Variants in DRC8 observed in about 807,000 individuals in gnomAD.
DRC8 encodes dynein regulatory complex subunit 8, also known as dynein regulatory complex protein 8.
the DRC8 span, among the ~76,000 whole-genome samples, chr1:244,996,282 G>A: frequency 6.6e-6 from 1 of 151,944 alleles, no homozygotes; most frequent in African/African-American, 2.4e-5. Context: ...CGTGATAAGA[G>A]GGGTGTGGGG....
At chr1:245,046,568 T>TA in the DRC8 span, among the ~76,000 whole-genome samples, 2 of 152,164 alleles carry the variant, frequency 1.3e-5, no homozygotes, top group East Asian at 1.9e-4. Flanking sequence ...GCACCAGAAA[T>TA]ACGATGCGAG....
At chr1:245,064,677 C>T in the DRC8 span, among the ~76,000 whole-genome samples, 5 of 152,196 alleles carry the variant, frequency 3.3e-5, no homozygotes, top group African/African-American at 1.2e-4. Flanking sequence ...TAGAATTCTA[C>T]ATTCAATGGA....
the DRC8 span, among the ~76,000 whole-genome samples, chr1:245,033,044 A>G: frequency 4.6e-5 from 7 of 152,106 alleles, no homozygotes; most frequent in Admixed American, 1.3e-4. Flanking sequence ...TGGTAGATCC[A>G]TTGGCGTGCG....
chr1:245,060,992 CAGCTTGGAAAGCTTA>C, the DRC8 span, among the ~76,000 whole-genome samples: 1 of 152,156 alleles, frequency 6.6e-6, no homozygotes, highest in South Asian at 2.1e-4. Flanking sequence ...CAGAGACCTA[CAGCTTGGAAAGCTTA>C]AGATATTTAC....
At chr1:245,011,794 A>G in the DRC8 span, among the ~76,000 whole-genome samples, 2 of 152,378 alleles carry the variant, frequency 1.3e-5, no homozygotes, top group South Asian at 4.1e-4. Flanking sequence ...TCATGATTGT[A>G]GAACATTCCA....
At chr1:244,980,040 T>TGAAAAAAA in the DRC8 span, among the ~76,000 whole-genome samples, 1 of 34,758 alleles carries the variant, frequency 2.9e-5, no homozygotes, top group African/African-American at 1.4e-4. Context: ...CCGTCTCTAC[T>TGAAAAAAA]AAAAAAAAAA....
chr1:245,009,961 A>AGT, the DRC8 span, among the ~76,000 whole-genome samples: 1 of 151,828 alleles, frequency 6.6e-6, no homozygotes, highest in Non-Finnish European at 1.5e-5. Flanking sequence ...CCCAGGTTCA[A>AGT]GTGATTCTCC....
At chr1:245,091,330 GGCGTGT>G in the DRC8 span, 4 of 152,412 alleles carry the variant, frequency 2.6e-5, no homozygotes, top group Non-Finnish European at 5.9e-5. Flanking sequence ...GCAGCACTGA[GGCGTGT>G]GCTAGCGCCC....
At chr1:245,028,430 C>G in the DRC8 span, among the ~76,000 whole-genome samples, 1 of 152,110 alleles carries the variant, frequency 6.6e-6, no homozygotes, top group East Asian at 1.9e-4. Context: ...TCCTGCACTG[C>G]CAAAAAATAA....
At chr1:245,016,491 C>G in the DRC8 span, among the ~76,000 whole-genome samples, 1 of 152,198 alleles carries the variant, frequency 6.6e-6, no homozygotes, top group South Asian at 2.1e-4. Flanking sequence ...CACCCACGCC[C>G]AGCACTCCTC....
the DRC8 span, among the ~76,000 whole-genome samples, chr1:245,089,202 A>C: frequency 6.6e-6 from 1 of 152,188 alleles, no homozygotes; most frequent in East Asian, 1.9e-4. The surrounding 1 kb of genome is among the most constrained non-coding windows in gnomAD (Gnocchi z 4.8). Context: ...CCAAGGAGCA[A>C]GTGGGGCATT....
At chr1:245,087,326 A>T in the DRC8 span, 13 of 1,607,314 alleles carry the variant, frequency 8.1e-6, no homozygotes, top group Non-Finnish European at 1.0e-5. Context: ...AATTACAAGG[A>T]CTATATAACA....
At chr1:245,106,900 T>C in the DRC8 span, among the ~76,000 whole-genome samples, 1 of 152,014 alleles carries the variant, frequency 6.6e-6, no homozygotes, top group Non-Finnish European at 1.5e-5. Flanking sequence ...AAAAATTAGC[T>C]GGGTGTGGTG....
the DRC8 span, among the ~76,000 whole-genome samples, chr1:245,117,709 CT>C: frequency 2.6e-5 from 4 of 152,150 alleles, no homozygotes; most frequent in Non-Finnish European, 5.9e-5. Flanking sequence ...TGGCTCATGT[CT>C]ATAATCCCAG....
the DRC8 span, among the ~76,000 whole-genome samples, chr1:245,077,267 C>T: frequency 0.019 from 2,903 of 152,098 alleles, 37 homozygotes; most frequent in South Asian, 0.039. Context: ...GATTAAACAT[C>T]TACCCTATTC....
At chr1:245,042,715 T>A in the DRC8 span, among the ~76,000 whole-genome samples, 1 of 152,258 alleles carries the variant, frequency 6.6e-6, no homozygotes, top group Admixed American at 6.5e-5. Flanking sequence ...ATAGAGCAGG[T>A]AAAATGTTTT....
the DRC8 span, among the ~76,000 whole-genome samples, chr1:245,056,470 C>T: frequency 6.6e-6 from 1 of 152,184 alleles, no homozygotes; most frequent in Non-Finnish European, 1.5e-5. Flanking sequence ...CTGTTGCTGA[C>T]ACAGCACAGT....
At chr1:245,056,636 G>A in the DRC8 span, among the ~76,000 whole-genome samples, 1 of 152,144 alleles carries the variant, frequency 6.6e-6, no homozygotes, top group Admixed American at 6.6e-5. Flanking sequence ...AACAGGTGTT[G>A]GAAGAAAAAC....
chr1:245,106,852 T>C, the DRC8 span, among the ~76,000 whole-genome samples: 1 of 152,236 alleles, frequency 6.6e-6, no homozygotes, highest in African/African-American at 2.4e-5. Context: ...CCAGCCTGGC[T>C]GGCCAACATG....
Sources: allele counts gnomAD v4.1 joint callset (sites outside exome capture counted in the v4.1 genomes callset), GRCh38; gene constraint gnomAD v4.1.1; non-coding constraint Gnocchi (gnomAD v3.1); transcripts MANE v1.5; gene names NCBI Gene and HGNC (gene_info 2026-07-23, HGNC 2026-07-21).